HNRNPA1L2: variants seen among roughly 807,000 people sequenced by gnomAD.
HNRNPA1L2 encodes the protein heterogeneous nuclear ribonucleoprotein A1 like 2.
Under a neutral mutation model 18.2 loss-of-function variants are expected in HNRNPA1L2, and 10 were observed. The observed-to-expected ratio is 0.55, with a 90% CI of 0.34 to 0.93. The LOEUF (loss-of-function observed/expected upper bound fraction) is 0.93. Among genes scored for constraint, HNRNPA1L2 ranks in the 40% least tolerant of loss-of-function variants. The pLI is 0.02. For synonymous variants in HNRNPA1L2, 124 were observed against 138.6 expected, an observed-to-expected ratio of 0.89 and a Z score of 0.74; for missense variants, 308 against 394.4, an observed-to-expected ratio of 0.78 and a Z score of 1.85.
At chr13:52,625,633 C>G in the HNRNPA1L2 span, among the ~76,000 whole-genome samples, 1 of 152,102 alleles carries the variant, frequency 6.6e-6, no homozygotes, top group African/African-American at 2.4e-5. Context: ...TGTGCCTACT[C>G]TGATCAAATA....
Position 52,642,976 on chromosome 13 carries a change from A to G in HNRNPA1L2, c.484A>G (p.Ile162Val), listed in dbSNP as rs371219256. The change falls in exon 1 of 1, where the codon ATT (isoleucine) becomes GTT (valine). Residue 162 changes from isoleucine to valine, a missense_variant. Physicochemically the swap from Ile to Val is conservative, Grantham distance 29. Coordinates refer to ENST00000357495, the MANE Select transcript of HNRNPA1L2 (RefSeq NM_001389320.1). ...TGACGACCATGACTCCGTGGATAAG[A>G]TTGTCATTCAGAAATACCATACTGT... ...TFDDHDSVDK[I>V]VIQKYHTVKG... is the part of the protein sequence containing the mutation. 6.3e-7 allele frequency: 1 copy of G among 1,597,390 alleles called. No individual in the cohort carries two copies.
At chr13:52,621,691 G>C in the HNRNPA1L2 span, among the ~76,000 whole-genome samples, 1 of 152,092 alleles carries the variant, frequency 6.6e-6, no homozygotes, top group Non-Finnish European at 1.5e-5. Flanking sequence ...AGGCCTTAAT[G>C]GGCTGTGAGG....
the HNRNPA1L2 span, among the ~76,000 whole-genome samples, chr13:52,619,778 G>A: frequency 1.7e-4 from 26 of 151,916 alleles, no homozygotes; most frequent in Admixed American, 1.6e-3. Context: ...AAAATTAGCC[G>A]GGCGTGGTGG....
chr13:52,618,083 C>G, the HNRNPA1L2 span, among the ~76,000 whole-genome samples: 6 of 152,126 alleles, frequency 3.9e-5, no homozygotes. Context: ...GGTCATAAAC[C>G]CCAAGTAAGA....
chr13:52,643,416 C>G lies in HNRNPA1L2; in HGVS notation c.924C>G (p.Ser308=), dbSNP rs549497633. The change falls in exon 1 of 1, where the codon TCC becomes TCG. Residue 308 remains serine (S), a synonymous_variant. Coordinates refer to ENST00000357495, the MANE Select transcript of HNRNPA1L2 (RefSeq NM_001389320.1). ...AAAACCAAGGTGGCTATGGCGTTTC[C>G]AGCAGCAGCAGTAGCTATGGCAGTG... is the stretch of plus-strand genomic sequence containing the variant. ...KPQNQGGYGV[S]SSSSSYGSGR... is the part of the protein sequence containing the mutation. 21 of 1,598,298 alleles carry G rather than the reference C, an allele frequency of 1.3e-5. No homozygotes were observed. The East Asian group carries it at 2.2e-4, about 17-fold the overall frequency.
At chr13:52,622,075 C>T in the HNRNPA1L2 span, 1 of 157,706 alleles carries the variant, frequency 6.3e-6, no homozygotes. Context: ...TTGAGACTTC[C>T]AAGGAGACTT....
the HNRNPA1L2 span, among the ~76,000 whole-genome samples, chr13:52,634,868 T>C: frequency 6.6e-6 from 1 of 152,146 alleles, no homozygotes; most frequent in East Asian, 1.9e-4. Flanking sequence ...AGTATGTACA[T>C]CTGAAGGATC....
chr13:52,621,532 A>T, the HNRNPA1L2 span, among the ~76,000 whole-genome samples: 1 of 152,312 alleles, frequency 6.6e-6, no homozygotes, highest in African/African-American at 2.4e-5. Context: ...TAACCATGTC[A>T]GAGTTTTTCT....
At chr13:52,629,368 C>T in the HNRNPA1L2 span, 2 of 225,474 alleles carry the variant, frequency 8.9e-6, no homozygotes, top group Non-Finnish European at 1.9e-5. Flanking sequence ...AGGTATCAGG[C>T]TTTGTAGTCT....
upstream of HNRNPA1L2, among the ~76,000 whole-genome samples, chr13:52,638,835 G>A (rs555551748): frequency 1.1e-4 from 17 of 152,276 alleles, no homozygotes; most frequent in East Asian, 2.7e-3. Flanking sequence ...TACAAGTGAC[G>A]GTGGCAGAGG....
the HNRNPA1L2 span, among the ~76,000 whole-genome samples, chr13:52,635,575 AACACACACACAC>A: frequency 0.028 from 3,979 of 143,342 alleles, 180 homozygotes; most frequent in African/African-American, 0.093. Flanking sequence ...GTCCTTTTGC[AACACACACACAC>A]ACACACACAC....
At position 52,642,611 on chromosome 13, in the gene HNRNPA1L2, T is replaced by G; in HGVS notation, c.119T>G (p.Leu40Arg). The change falls in exon 1 of 1, where the codon CTC (leucine) becomes CGC (arginine). Residue 40 changes from leucine (L) to arginine (R), a missense_variant. Transcript: ENST00000357495. Reference sequence around the variant, plus strand: ...AGCCATTTTGAGCAATGGGGAACGCTCACAGACTGTGTGGTAATGAGAGAT... The same window carrying G: ...AGCCATTTTGAGCAATGGGGAACGCGCACAGACTGTGTGGTAATGAGAGAT... ...LRSHFEQWGT[L>R]TDCVVMRDPN... 1.2e-6 allele frequency: 2 copies of G among 1,611,896 alleles called. No homozygotes were observed. Among genetic ancestry groups the G allele is most frequent in the Non-Finnish European group, 1.7e-6 (2 of 1,179,846 alleles).
At chr13:52,637,092 G>A in the HNRNPA1L2 span, among the ~76,000 whole-genome samples, 2 of 152,058 alleles carry the variant, frequency 1.3e-5, no homozygotes, top group African/African-American at 4.8e-5. Flanking sequence ...CAAAGTGCTG[G>A]GATTACAGGC....
chr13:52,632,710 T>A, the HNRNPA1L2 span, among the ~76,000 whole-genome samples: 3 of 152,332 alleles, frequency 2.0e-5, no homozygotes, highest in South Asian at 6.2e-4. Flanking sequence ...CAAGACCAGC[T>A]TGATGAATAG....
chr13:52,626,135 A>G, the HNRNPA1L2 span, among the ~76,000 whole-genome samples: 14 of 152,172 alleles, frequency 9.2e-5, no homozygotes, highest in Middle Eastern at 3.4e-3. Flanking sequence ...GATCTTCCAT[A>G]TATATCTCAA....
rs1566164098 is a variant in HNRNPA1L2 at position 52,643,014 on chromosome 13, C to T, written c.522C>T (p.Asn174=). 17 of 1,597,558 alleles carry T rather than the reference C, an allele frequency of 1.1e-5. No homozygotes were observed. The highest frequency in any genetic ancestry group is 1.7e-5 in the Admixed American group (1 of 60,018). The change falls in exon 1 of 1, where the codon AAC becomes AAT. Residue 174 remains asparagine, a synonymous_variant. Coordinates refer to ENST00000357495, the MANE Select transcript of HNRNPA1L2 (RefSeq NM_001389320.1). The stretch of plus-strand genomic sequence containing the variant: ...AATACCATACTGTGAAGGGCCACAA[C>T]TGTGAAGTTAGAAAAGCCCTGCCAA... ...IQKYHTVKGH[N]CEVRKALPKQ...
At chr13:52,627,207 C>A in the HNRNPA1L2 span, among the ~76,000 whole-genome samples, 1 of 152,060 alleles carries the variant, frequency 6.6e-6, no homozygotes. Flanking sequence ...TGAGGCTGAT[C>A]CCTCATCCCT....
upstream of HNRNPA1L2, among the ~76,000 whole-genome samples, chr13:52,637,600 G>A (rs1339768355): frequency 6.6e-6 from 1 of 152,162 alleles, no homozygotes; most frequent in Non-Finnish European, 1.5e-5. Context: ...CAGAGTCCAT[G>A]CAATATAATA....
chr13:52,638,946 A>T (rs1961550629), upstream of HNRNPA1L2, among the ~76,000 whole-genome samples: 1 of 152,186 alleles, frequency 6.6e-6, no homozygotes, highest in Admixed American at 6.5e-5. Flanking sequence ...GAAAGGAAGG[A>T]CTAATATTTT....
Sources: gnomAD v4.1 joint callset for allele counts (sites outside exome capture counted in the v4.1 genomes callset) on GRCh38, gnomAD v4.1.1 for gene constraint, MANE v1.5 for transcripts, NCBI Gene and HGNC (gene_info 2026-07-23, HGNC 2026-07-21) for gene names.